Variants in SETD7 observed in about 807,000 individuals in gnomAD.
The protein encoded by SETD7 is histone-lysine N-methyltransferase SETD7.
SETD7 carries 16 observed loss-of-function variants against 41.8 expected under a neutral mutation model. The observed-to-expected ratio is 0.38, with a 90% CI of 0.26 to 0.58. The LOEUF (loss-of-function observed/expected upper bound fraction) is 0.58. Among genes scored for constraint, SETD7 ranks in the 20% least tolerant of loss-of-function variants. The pLI is 0.64. For missense variants in SETD7, 346 were observed against 459.7 expected (o/e 0.75, Z 2.26); for synonymous variants, 163 against 169.7 (o/e 0.96, Z 0.31).
chr4:139,543,248 C>T (rs1197854565), intron 2 of SETD7, among the ~76,000 whole-genome samples: 1 of 152,166 alleles, frequency 6.6e-6, no homozygotes, highest in Non-Finnish European at 1.5e-5. Context: ...GGGATGGGAA[C>T]AGGGAGAAAA....
chr4:139,500,320 T>C (rs1359371440), intron 7 of SETD7, among the ~76,000 whole-genome samples: 2 of 152,158 alleles, frequency 1.3e-5, no homozygotes, highest in African/African-American at 2.4e-5. Flanking sequence ...TGCTTCCACC[T>C]GGGTCCCTAC....
intron 2 of SETD7, among the ~76,000 whole-genome samples, chr4:139,543,383 C>T (rs1727833034): frequency 6.6e-6 from 1 of 152,208 alleles, no homozygotes; most frequent in African/African-American, 2.4e-5. Flanking sequence ...TTGTAAGACT[C>T]TCTTACTAAT....
In SETD7 at chr4:139,542,863, T is replaced by C. The variant is rs771698846; in HGVS notation, c.170+4057A>G. Among the ~76,000 whole-genome samples the C allele has an allele frequency of 8.1e-4, 123 of 152,374 alleles. 1 individual carries two copies. The highest frequency in any genetic ancestry group is 5.7e-4 in the Non-Finnish European group (39 of 68,038). ...TCTCATTCGATGTCAAGGGAAACAC[T>C]GATTCTATAATTTTCTTGATATGTT... On this transcript the variant is annotated intron_variant, in intron 2 of 7. Coordinates refer to ENST00000274031, the MANE Select transcript of SETD7 (RefSeq NM_030648.4).
In SETD7 at chr4:139,529,831, C is replaced by T. The variant is rs1727432580; in HGVS notation, c.373-611G>A. Among the ~76,000 whole-genome samples, 3 of 152,192 alleles carry T rather than the reference C, an allele frequency of 2.0e-5. No individual in the cohort carries two copies. The South Asian group carries it at 6.2e-4, about 32-fold the overall frequency. Reference sequence around the variant, plus strand: ...ACACTGCCTTTCTGAGACTCCTATACCATCACCTTTTTTAGAATTAGAAGG... The same window carrying T: ...ACACTGCCTTTCTGAGACTCCTATATCATCACCTTTTTTAGAATTAGAAGG... On this transcript the variant is annotated intron_variant, in intron 3 of 7. Transcript: ENST00000274031.
chr4:139,544,006 T>C (rs1727858699), intron 2 of SETD7, among the ~76,000 whole-genome samples: 1 of 150,732 alleles, frequency 6.6e-6, no homozygotes, highest in Non-Finnish European at 1.5e-5. Flanking sequence ...GTGAATTGGT[T>C]AGGCTGGGCA....
downstream of SETD7, among the ~76,000 whole-genome samples, chr4:139,504,864 T>C (rs1440610999): frequency 2.6e-5 from 4 of 152,224 alleles, no homozygotes; most frequent in Non-Finnish European, 4.4e-5. Context: ...CAAGGTTAGC[T>C]TCTTAAGCTT....
At chr4:139,530,364 T>G (rs1484216166) in intron 3 of SETD7, among the ~76,000 whole-genome samples, 2 of 146,418 alleles carry the variant, frequency 1.4e-5, no homozygotes, top group Admixed American at 1.4e-4. Flanking sequence ...GCCTTTTTTT[T>G]TTTTTTTTTT....
chr4:139,553,562 C>G (rs1728171867), intron 1 of SETD7, among the ~76,000 whole-genome samples: 1 of 152,236 alleles, frequency 6.6e-6, no homozygotes, highest in Non-Finnish European at 1.5e-5. Context: ...AGTCTCTCCA[C>G]CTCACTGAGT....
rs373045032 is a variant in SETD7 at position 139,541,810 on chromosome 4, T to A, written c.170+5110A>T. Among the ~76,000 whole-genome samples, 293 of 152,288 alleles carry A rather than the reference T, an allele frequency of 1.9e-3. 2 individuals are homozygous for A. The highest frequency in any genetic ancestry group is 6.9e-3 in the African/African-American group (287 of 41,558). The stretch of plus-strand genomic sequence containing the variant: ...ATGAAGAAAAGACTAAATATTATGA[T>A]CTCAAAACTAGCAAACATTTTGAAT... On this transcript the variant is annotated intron_variant, in intron 2 of 7. Transcript: ENST00000274031.
downstream of SETD7, among the ~76,000 whole-genome samples, chr4:139,493,463 T>G (rs1726393530): frequency 6.6e-6 from 1 of 151,912 alleles, no homozygotes; most frequent in Non-Finnish European, 1.5e-5. Flanking sequence ...CCATTGTAAA[T>G]AGCTTGGATT....
downstream of SETD7, among the ~76,000 whole-genome samples, chr4:139,503,239 G>A (rs1259778934): frequency 1.3e-5 from 2 of 151,450 alleles, no homozygotes; most frequent in African/African-American, 2.4e-5. Context: ...GATCAAAGAG[G>A]GACCCAGTCA....
chr4:139,529,980 A>T (rs754988813), intron 3 of SETD7, among the ~76,000 whole-genome samples: 45 of 152,130 alleles, frequency 3.0e-4, no homozygotes, highest in Non-Finnish European at 1.6e-4. Context: ...TAACTCTTCC[A>T]TTTACTTCAT....
intron 7 of SETD7, among the ~76,000 whole-genome samples, chr4:139,496,792 A>T (rs894053027): frequency 6.6e-6 from 1 of 152,202 alleles, no homozygotes; most frequent in Non-Finnish European, 1.5e-5. Flanking sequence ...ACTGCTCAGA[A>T]GTCACTCAGT....
chr4:139,520,948 C>T (rs1306527503), intron 5 of SETD7, among the ~76,000 whole-genome samples: 1 of 152,198 alleles, frequency 6.6e-6, no homozygotes, highest in African/African-American at 2.4e-5. Context: ...CTGGCTGCTG[C>T]TCATTTTTGT....
At chr4:139,494,713 G>A (rs1312400449), downstream of SETD7, among the ~76,000 whole-genome samples, 1 of 152,218 alleles carries the variant, frequency 6.6e-6, no homozygotes, top group African/African-American at 2.4e-5. Context: ...ATTGATACTG[G>A]ATGTTGGACA....
chr4:139,556,068 C>A, intron 1 of SETD7, 30 bp downstream of exon 1: 1 of 1,578,738 alleles, frequency 6.3e-7, no homozygotes, highest in Non-Finnish European at 8.6e-7. Context: ...CTCTGCGCCT[C>A]CTCCCCCGGC....
intron 3 of SETD7, chr4:139,532,664 C>T (rs1727520428): frequency 6.3e-6 from 1 of 157,896 alleles, no homozygotes; most frequent in Non-Finnish European, 1.4e-5. Context: ...TTTTAATCAC[C>T]TTAATTTAAA....
At chr4:139,522,299 T>C (rs1727198184) in intron 5 of SETD7, among the ~76,000 whole-genome samples, 1 of 152,134 alleles carries the variant, frequency 6.6e-6, no homozygotes, top group African/African-American at 2.4e-5. Flanking sequence ...AGAAAACCAA[T>C]TTCAGATAGT....
At chr4:139,526,347 G>A (rs943573743) in intron 4 of SETD7, among the ~76,000 whole-genome samples, 2 of 150,490 alleles carry the variant, frequency 1.3e-5, no homozygotes, top group Non-Finnish European at 2.9e-5. Flanking sequence ...TCAGCTCACT[G>A]CAGCCCTGAC....
Sources: allele counts gnomAD v4.1 joint callset (sites outside exome capture counted in the v4.1 genomes callset), GRCh38; gene constraint gnomAD v4.1.1; transcripts MANE v1.5; gene names NCBI Gene and HGNC (gene_info 2026-07-23, HGNC 2026-07-21).